CNTN4: variants seen among roughly 807,000 people sequenced by gnomAD.
CNTN4 encodes the protein contactin-4.
CNTN4 carries 77 observed loss-of-function variants against 122.5 expected under a neutral mutation model. The ratio of observed to expected loss-of-function variants is 0.63; its 90% CI spans 0.52 to 0.76. The LOEUF (loss-of-function observed/expected upper bound fraction) is 0.76, where lower values mean the gene tolerates loss of function less well. CNTN4 is among the 30% of genes least tolerant of loss of function. The pLI is 0.00. For missense variants in CNTN4, 1,256 were observed against 1,259.1 expected, an observed-to-expected ratio of 1.00 and a Z score of 0.04; for synonymous variants, 512 against 447.0, an observed-to-expected ratio of 1.15 and a Z score of -1.83.
At chr3:2,458,428 CT>C (rs2049080014) in intron 3 of CNTN4, among the ~76,000 whole-genome samples, 1 of 151,988 alleles carries the variant, frequency 6.6e-6, no homozygotes, top group Admixed American at 6.6e-5. Flanking sequence ...AATAAACTAT[CT>C]TTGTTAGAAT....
intron 13 of CNTN4, among the ~76,000 whole-genome samples, chr3:2,953,885 A>T (rs941658089): frequency 2.6e-5 from 4 of 152,330 alleles, no homozygotes; most frequent in Middle Eastern, 3.4e-3. Context: ...AATATTATTT[A>T]GTGACTACAT....
In CNTN4 at chr3:2,552,553, A is replaced by G. The variant is rs539674019; in HGVS notation, c.-88-18863A>G. On this transcript the variant is annotated intron_variant, in intron 3 of 24. Transcript: ENST00000418658. ...ATGCTAATTAAGGAATTAATATGCA[A>G]TTATAAATTGGCATTTGACAAGTAG... Among the ~76,000 whole-genome samples the G allele has an allele frequency of 5.7e-4, 87 of 152,190 alleles. 4 individuals carry two copies. In the South Asian group the frequency reaches 0.017, roughly 30 times the overall value.
At chr3:2,619,895 C>T (rs2081927837) in intron 4 of CNTN4, among the ~76,000 whole-genome samples, 1 of 152,192 alleles carries the variant, frequency 6.6e-6, no homozygotes, top group Non-Finnish European at 1.5e-5. Context: ...GAGCTCATGA[C>T]TTTAACCCTT....
intron 3 of CNTN4, among the ~76,000 whole-genome samples, chr3:2,405,551 A>G (rs771559955): frequency 3.9e-5 from 6 of 152,074 alleles, no homozygotes; most frequent in Non-Finnish European, 5.9e-5. Context: ...TATTTAACCC[A>G]TAGAATAAAA....
At chr3:2,675,336 G>A (rs571646920) in intron 4 of CNTN4, among the ~76,000 whole-genome samples, 1 of 151,834 alleles carries the variant, frequency 6.6e-6, no homozygotes, top group African/African-American at 2.4e-5. Context: ...TTCTCTTTCT[G>A]GAATTATTTT....
chr3:2,480,109 G>A (rs542461878), intron 3 of CNTN4, among the ~76,000 whole-genome samples: 2 of 150,794 alleles, frequency 1.3e-5, no homozygotes, highest in Non-Finnish European at 2.9e-5. Context: ...GAATAGAGAA[G>A]CGCTTCCTCA....
At chr3:2,874,613 G>C (rs976210236) in intron 8 of CNTN4, among the ~76,000 whole-genome samples, 3 of 152,156 alleles carry the variant, frequency 2.0e-5, no homozygotes, top group Non-Finnish European at 4.4e-5. Flanking sequence ...GCCATACTCA[G>C]GGGAGAATAG....
At chr3:2,607,420 A>G (rs2081302939) in intron 4 of CNTN4, among the ~76,000 whole-genome samples, 1 of 152,218 alleles carries the variant, frequency 6.6e-6, no homozygotes, top group African/African-American at 2.4e-5. Flanking sequence ...TGAATAAATA[A>G]TCTGTTTATT....
chr3:2,803,857 G>A (rs1346311115), intron 6 of CNTN4, among the ~76,000 whole-genome samples: 4 of 152,030 alleles, frequency 2.6e-5, no homozygotes, highest in East Asian at 3.9e-4. Context: ...CACCAAGCCC[G>A]GCAGTAATTC....
intron 3 of CNTN4, among the ~76,000 whole-genome samples, chr3:2,512,421 C>T (rs996487784): frequency 1.4e-4 from 22 of 151,990 alleles, no homozygotes; most frequent in African/African-American, 4.8e-4. Flanking sequence ...CCTCAAATGC[C>T]ATCTATCAAA....
At chr3:2,610,923 T>C (rs1359314640) in intron 4 of CNTN4, among the ~76,000 whole-genome samples, 1 of 152,172 alleles carries the variant, frequency 6.6e-6, no homozygotes, top group Non-Finnish European at 1.5e-5. Context: ...CTAAAATGGG[T>C]ACTTAAATTT....
At chr3:2,362,558 A>G in intron 3 of CNTN4, 2 of 601,844 alleles carry the variant, frequency 3.3e-6, no homozygotes, top group Non-Finnish European at 6.2e-6. Context: ...CGGATTAACC[A>G]GGCTGAAGAA....
intron 3 of CNTN4, among the ~76,000 whole-genome samples, chr3:2,486,277 A>C (rs1314393673): frequency 6.6e-6 from 1 of 152,108 alleles, no homozygotes; most frequent in African/African-American, 2.4e-5. Flanking sequence ...CAGCTTTAAG[A>C]ACTGTAACAC....
chr3:2,592,778 C>T (rs1442128227), intron 4 of CNTN4, among the ~76,000 whole-genome samples: 1 of 152,178 alleles, frequency 6.6e-6, no homozygotes, highest in Non-Finnish European at 1.5e-5. Flanking sequence ...GTTAGTTTAA[C>T]CACTCTCTGG....
chr3:3,036,399 T>C (rs983865954), intron 17 of CNTN4, among the ~76,000 whole-genome samples: 3 of 152,184 alleles, frequency 2.0e-5, no homozygotes, highest in Non-Finnish European at 2.9e-5. Context: ...TAGACCTGAC[T>C]GCTAATCAGC....
chr3:2,169,581 T>G (rs1193618481), intron 2 of CNTN4, among the ~76,000 whole-genome samples: 1 of 151,272 alleles, frequency 6.6e-6, no homozygotes, highest in Admixed American at 6.6e-5. Context: ...GATTTTTTTG[T>G]AGAGACGGGG....
At chr3:2,223,974 GGAGAGATAA>G (rs1350416751) in intron 2 of CNTN4, among the ~76,000 whole-genome samples, 2 of 152,076 alleles carry the variant, frequency 1.3e-5, no homozygotes, top group Admixed American at 1.3e-4. Flanking sequence ...AGGTAGGTGT[GGAGAGATAA>G]GAGACAGGAG....
intron 4 of CNTN4, among the ~76,000 whole-genome samples, chr3:2,682,651 A>G (rs984357877): frequency 6.6e-6 from 1 of 152,170 alleles, no homozygotes; most frequent in African/African-American, 2.4e-5. Context: ...CTCCATTTGA[A>G]TACCTGGAAT....
chr3:3,036,937 CTG>C (rs1441118284), intron 17 of CNTN4, among the ~76,000 whole-genome samples: 2 of 152,064 alleles, frequency 1.3e-5, no homozygotes, highest in Non-Finnish European at 2.9e-5. Flanking sequence ...GTCTTGTGGA[CTG>C]TGTGTCTTTT....
Sources: gnomAD v4.1 joint callset for allele counts (sites outside exome capture counted in the v4.1 genomes callset) on GRCh38, gnomAD v4.1.1 for gene constraint, MANE v1.5 for transcripts, NCBI Gene and HGNC (gene_info 2026-07-23, HGNC 2026-07-21) for gene names.